ZBTB20: variants seen among roughly 807,000 people sequenced by gnomAD.
ZBTB20 encodes the protein zinc finger and BTB domain-containing protein 20.
Under a neutral mutation model 56.9 loss-of-function variants are expected in ZBTB20, and 9 were observed. The ratio of observed to expected loss-of-function variants is 0.16; its 90% confidence interval spans 0.10 to 0.28. The LOEUF (loss-of-function observed/expected upper bound fraction) is 0.28, where lower values mean the gene tolerates loss of function less well. Ranked by LOEUF, ZBTB20 falls within the 10% of genes least tolerant of loss-of-function variation. ZBTB20 has a pLI of 1.00. For synonymous variants in ZBTB20, 417 were observed against 420.7 expected (o/e 0.99, Z 0.11); for missense variants, 655 against 1,003.0 (o/e 0.65, Z 4.69).
intron 3 of ZBTB20, among the ~76,000 whole-genome samples, chr3:114,907,638 C>T (rs1293016268): frequency 1.3e-5 from 2 of 151,896 alleles, no homozygotes; most frequent in Non-Finnish European, 2.9e-5. Context: ...CCATCGTCTT[C>T]ATGAGGGCTA....
rs2079169918 is a variant in ZBTB20, at chr3:114,329,589, A to G, written c.*9416T>C. On this transcript the variant is annotated 3_prime_UTR_variant, in exon 12 of 12. Coordinates refer to ENST00000675478, the MANE Select transcript of ZBTB20 (RefSeq NM_001348800.3). ...GGAGATCCTGAGGGCTGGATACCCA[A>G]GAGCCACCATTTTACGGATTCCTCA... 2 of 152,094 alleles carry G rather than the reference A, an allele frequency of 1.3e-5. No homozygotes were observed. Among genetic ancestry groups the G allele is most frequent in the Admixed American group, 1.3e-4 (2 of 15,274 alleles). 9.4% of individuals were successfully genotyped at this position (152,094 alleles called of 1,614,324 possible). A position where few individuals can be genotyped will look rare whatever the true frequency, so the allele number is the denominator to read the frequency against.
At chr3:114,389,686 G>C (rs113958810) in intron 7 of ZBTB20, among the ~76,000 whole-genome samples, 2 of 150,978 alleles carry the variant, frequency 1.3e-5, no homozygotes, top group African/African-American at 4.9e-5. Flanking sequence ...TCAGGAGATC[G>C]AGACCATCCC....
intron 1 of ZBTB20, among the ~76,000 whole-genome samples, chr3:115,144,498 C>A: frequency 6.6e-6 from 1 of 152,152 alleles, no homozygotes; most frequent in Non-Finnish European, 1.5e-5. Flanking sequence ...TAGATGTTTG[C>A]GGGCCTCAAA....
chr3:114,474,047 T>C (rs925852485), intron 7 of ZBTB20, among the ~76,000 whole-genome samples: 2 of 152,222 alleles, frequency 1.3e-5, no homozygotes, highest in African/African-American at 4.8e-5. Context: ...AGAGAGCTTA[T>C]GCAGGGAAAC....
rs575478952 is a variant in ZBTB20, at chr3:114,334,165, C to T, written c.*4840G>A. ...ACCTTTTCCACAAAATCATATATCC[C>T]CTGCTCCCAGCCCCAACTAATCAAA... On this transcript the variant is annotated 3_prime_UTR_variant, in exon 12 of 12. Transcript: ENST00000675478. The T allele has an allele frequency of 6.6e-6, 1 of 152,316 alleles. No homozygotes were observed. Among genetic ancestry groups the T allele is most frequent in the East Asian group, 1.9e-4 (1 of 5,192 alleles). 9.4% of individuals were successfully genotyped at this position (152,316 alleles called of 1,614,324 possible).
intron 6 of ZBTB20, among the ~76,000 whole-genome samples, chr3:114,625,669 G>A (rs2058619133): frequency 6.6e-6 from 1 of 151,904 alleles, no homozygotes; most frequent in Non-Finnish European, 1.5e-5. Flanking sequence ...AAACATAGGG[G>A]AACTATGACA....
At chr3:114,867,224 T>C (rs1423166520) in intron 4 of ZBTB20, among the ~76,000 whole-genome samples, 2 of 152,102 alleles carry the variant, frequency 1.3e-5, no homozygotes, top group Non-Finnish European at 2.9e-5. Context: ...GATAAGCTTG[T>C]TTATGAAATA....
intron 3 of ZBTB20, among the ~76,000 whole-genome samples, chr3:114,923,649 G>T (rs757500353): frequency 1.5e-4 from 23 of 152,038 alleles, no homozygotes; most frequent in African/African-American, 5.3e-4. Context: ...CTTGACATTG[G>T]TCTTGGCAAA....
At chr3:114,787,332 TATA>T (rs1256989665) in intron 5 of ZBTB20, among the ~76,000 whole-genome samples, 1,263 of 7,962 alleles carry the variant, frequency 0.16, 36 homozygotes, top group African/African-American at 0.22. Context: ...CTTAAAAGGT[TATA>T]TATATATATA....
At chr3:114,567,457 A>C (rs1223149653) in intron 6 of ZBTB20, among the ~76,000 whole-genome samples, 1 of 152,076 alleles carries the variant, frequency 6.6e-6, no homozygotes. Context: ...CATCTCCTTC[A>C]TATATTGCAA....
chr3:114,840,813 T>C (rs2074354051), intron 4 of ZBTB20, among the ~76,000 whole-genome samples: 1 of 152,214 alleles, frequency 6.6e-6, no homozygotes, highest in Non-Finnish European at 1.5e-5. Flanking sequence ...GTATCTCTTA[T>C]TCTGGAATAA....
intron 7 of ZBTB20, among the ~76,000 whole-genome samples, chr3:114,460,121 T>C (rs1344692643): frequency 6.6e-6 from 1 of 152,136 alleles, no homozygotes; most frequent in Non-Finnish European, 1.5e-5. Flanking sequence ...TCCACACTCT[T>C]CTCACTCATA....
chr3:114,911,652 C>T (rs2075543554), intron 3 of ZBTB20, among the ~76,000 whole-genome samples: 1 of 151,710 alleles, frequency 6.6e-6, no homozygotes, highest in South Asian at 2.1e-4. Context: ...GCTTCAACAG[C>T]AGACTCAATC....
At chr3:114,668,754 A>C (rs994425247) in intron 6 of ZBTB20, among the ~76,000 whole-genome samples, 1 of 152,074 alleles carries the variant, frequency 6.6e-6, no homozygotes, top group African/African-American at 2.4e-5. Flanking sequence ...AGTAATAACG[A>C]GACCAATAAA....
intron 5 of ZBTB20, among the ~76,000 whole-genome samples, chr3:114,793,409 G>A (rs777883605): frequency 6.6e-6 from 1 of 151,882 alleles, no homozygotes; most frequent in Non-Finnish European, 1.5e-5. Context: ...TTATTGGAAC[G>A]ATTATATGTG....
intron 6 of ZBTB20, among the ~76,000 whole-genome samples, chr3:114,556,443 A>G (rs988915821): frequency 6.7e-6 from 1 of 149,676 alleles, no homozygotes; most frequent in African/African-American, 2.6e-5. Flanking sequence ...CACCCTGAAG[A>G]TACCCTTCAG....
chr3:114,599,976 T>A (rs553839176), intron 6 of ZBTB20, among the ~76,000 whole-genome samples: 1 of 152,034 alleles, frequency 6.6e-6, no homozygotes, highest in Admixed American at 6.6e-5. Context: ...AGATTCCAAA[T>A]AAAATGTTAT....
chr3:114,778,330 C>A (rs1343713129), intron 5 of ZBTB20, among the ~76,000 whole-genome samples: 4 of 147,230 alleles, frequency 2.7e-5, no homozygotes, highest in Non-Finnish European at 6.0e-5. Context: ...GCCTCGGCAA[C>A]AAGAGCAAAA....
intron 7 of ZBTB20, among the ~76,000 whole-genome samples, chr3:114,456,080 T>C (rs2091993732): frequency 1.3e-5 from 2 of 152,062 alleles, no homozygotes; most frequent in African/African-American, 4.8e-5. Context: ...ATAAGAAGAT[T>C]ACTCCACCTA....
Sources: allele counts gnomAD v4.1 joint callset (sites outside exome capture counted in the v4.1 genomes callset), GRCh38; gene constraint gnomAD v4.1.1; transcripts MANE v1.5; gene names NCBI Gene and HGNC (gene_info 2026-07-23, HGNC 2026-07-21).